The following VPS13B variants were observed in gnomAD, a reference collection of about 807,000 sequenced individuals.
The protein encoded by VPS13B is vacuolar protein sorting 13 homolog B, also known as intermembrane lipid transfer protein VPS13B.
A neutral mutation model predicts 426.4 loss-of-function variants in VPS13B; 285 were observed. The ratio of observed to expected loss-of-function variants is 0.67; its 90% CI spans 0.61 to 0.74. VPS13B has a LOEUF of 0.74. VPS13B is among the 30% of genes least tolerant of loss of function. The probability of loss-of-function intolerance (pLI) is 0.00; values close to 1 mark genes in which losing one functional copy is unlikely to be tolerated. For missense variants in VPS13B, 4,537 were observed against 4,782.6 expected (o/e 0.95, Z 1.51); for synonymous variants, 1,676 against 1,676.4 (o/e 1.00, Z 0.01).
chr8:99,785,622 ATGTTAGAAGTATT>A lies in VPS13B; in HGVS notation c.7941+1148_7941+1160del, dbSNP rs796201048. Among the ~76,000 whole-genome samples, 38 of 152,236 alleles carry A rather than the reference ATGTTAGAAGTATT, an allele frequency of 2.5e-4. 1 individual carries two copies. Among genetic ancestry groups the A allele is most frequent in the Middle Eastern group, 3.4e-3 (1 of 294 alleles). Reference sequence around the variant, plus strand: ...CTAATTTTCCTCTTTAGAAATGTCCATGTTAGAAGTATTTAAGTTGTTTTCCTCGTGTAACATA... The same window carrying A: ...CTAATTTTCCTCTTTAGAAATGTCCATAAGTTGTTTTCCTCGTGTAACATA... On this transcript the variant is annotated intron_variant, in intron 43 of 61. Coordinates refer to ENST00000357162, the MANE Select transcript of VPS13B (RefSeq NM_152564.5).
chr8:99,140,086 G>C (rs904347908), intron 12 of VPS13B, among the ~76,000 whole-genome samples: 2 of 152,102 alleles, frequency 1.3e-5, no homozygotes, highest in African/African-American at 2.4e-5. Flanking sequence ...AAGAAACTAG[G>C]CTGAGCGTGG....
At chr8:99,497,103 TAATATAAAAATATATTTATATATTTCA>T (rs1366103437) in intron 25 of VPS13B, among the ~76,000 whole-genome samples, 1 of 143,286 alleles carries the variant, frequency 7.0e-6, no homozygotes, top group East Asian at 2.0e-4. Flanking sequence ...TATATTTATG[TAATATAAAAATATATTTATATATTTCA>T]TATATAAATA....
At chr8:99,267,690 GCACTCC>G in intron 17 of VPS13B, among the ~76,000 whole-genome samples, 1 of 151,154 alleles carries the variant, frequency 6.6e-6, no homozygotes, top group South Asian at 2.1e-4. Flanking sequence ...TCTTGCCACT[GCACTCC>G]AGCCTGGCGA....
chr8:99,133,155 G>A (rs766627784), intron 8 of VPS13B, among the ~76,000 whole-genome samples: 1 of 152,158 alleles, frequency 6.6e-6, no homozygotes, highest in Non-Finnish European at 1.5e-5. Context: ...AGCCACTTTC[G>A]TTAATTATCT....
intron 43 of VPS13B, among the ~76,000 whole-genome samples, chr8:99,800,902 A>C (rs191388361): frequency 9.8e-5 from 15 of 152,328 alleles, no homozygotes; most frequent in Non-Finnish European, 1.3e-4. Context: ...TGTTTGCTAG[A>C]AACATGTGAA....
chr8:99,870,022 T>C (rs933899732), intron 59 of VPS13B, among the ~76,000 whole-genome samples: 5 of 152,252 alleles, frequency 3.3e-5, no homozygotes, highest in Admixed American at 6.5e-5. Flanking sequence ...TAAATGTATA[T>C]GGATTCGTGT....
intron 2 of VPS13B, among the ~76,000 whole-genome samples, chr8:99,028,206 C>T (rs971690280): frequency 2.0e-5 from 3 of 151,876 alleles, no homozygotes; most frequent in African/African-American, 7.2e-5. Flanking sequence ...TCATCATGAC[C>T]CATCCCCAAT....
intron 19 of VPS13B, among the ~76,000 whole-genome samples, chr8:99,313,285 G>C (rs968526148): frequency 6.6e-6 from 1 of 152,106 alleles, no homozygotes; most frequent in Non-Finnish European, 1.5e-5. Context: ...TGTTTTTTCT[G>C]CATCTTTGTG....
At chr8:99,061,296 C>CT (rs36037937) in intron 3 of VPS13B, among the ~76,000 whole-genome samples, 74,761 of 112,968 alleles carry the variant, frequency 0.66, 25,638 homozygotes, top group South Asian at 0.81. Context: ...TGCTAATTTT[C>CT]TTTTTTTTTT....
intron 34 of VPS13B, among the ~76,000 whole-genome samples, chr8:99,655,218 A>T (rs1435666942): frequency 6.6e-6 from 1 of 152,198 alleles, no homozygotes; most frequent in Non-Finnish European, 1.5e-5. Context: ...CACTGAATAC[A>T]TAACGAAGTC....
chr8:99,818,034 A>G (rs1156870154), intron 45 of VPS13B, among the ~76,000 whole-genome samples: 1 of 152,172 alleles, frequency 6.6e-6, no homozygotes, highest in African/African-American at 2.4e-5. Context: ...GACGCAAGTG[A>G]TATCTTGAAA....
At chr8:99,562,986 C>A (rs926665394) in intron 31 of VPS13B, among the ~76,000 whole-genome samples, 7 of 152,092 alleles carry the variant, frequency 4.6e-5, no homozygotes, top group Non-Finnish European at 1.5e-5. Context: ...GAGACCTTGT[C>A]TCAACAACAA....
chr8:99,784,333 G>C lies in VPS13B; in HGVS notation c.7798G>C (p.Glu2600Gln). 1.2e-6 allele frequency: 2 copies of C among 1,613,680 alleles called. No individual in the cohort carries two copies. Among genetic ancestry groups the C allele is most frequent in the East Asian group, 4.5e-5 (2 of 44,872 alleles). The change falls in exon 43 of 62, where the codon GAG (glutamate) becomes CAG (glutamine). Residue 2600 changes from glutamate to glutamine, a missense_variant. Physicochemically the swap from Glu to Gln is conservative, Grantham distance 29. Coordinates refer to ENST00000357162, the MANE Select transcript of VPS13B (RefSeq NM_152564.5). The stretch of plus-strand genomic sequence containing the variant: ...CTTTCAGAACAAATGCCCTGAGGTA[G>C]AGGAGTTGGTCTTCAGCCATTTTGT... ...AWQQNKCPEV[E>Q]ELVFSHFVIC...
At chr8:99,748,889 A>G (rs766689244) in intron 39 of VPS13B, among the ~76,000 whole-genome samples, 31 of 152,054 alleles carry the variant, frequency 2.0e-4, no homozygotes, top group Admixed American at 5.3e-4. Flanking sequence ...AATTTCTGGC[A>G]CACAGAACTT....
chr8:99,464,646 C>T (rs1463186704), intron 23 of VPS13B, among the ~76,000 whole-genome samples: 2 of 152,106 alleles, frequency 1.3e-5, no homozygotes, highest in African/African-American at 4.8e-5. Context: ...AAGAAATCCC[C>T]TGTAATTTTC....
intron 33 of VPS13B, among the ~76,000 whole-genome samples, chr8:99,630,346 TTG>T (rs953676218): frequency 1.3e-5 from 2 of 152,160 alleles, no homozygotes; most frequent in African/African-American, 4.8e-5. Flanking sequence ...TTTTCATCTT[TTG>T]TGTCTTTTTT....
intron 16 of VPS13B, among the ~76,000 whole-genome samples, chr8:99,187,320 A>G (rs57423465): frequency 0.31 from 47,572 of 152,056 alleles, 9,066 homozygotes; most frequent in South Asian, 0.56. Flanking sequence ...AAGGAAAATG[A>G]GAAAGAAAAG....
At chr8:99,111,657 A>G (rs1426797492) in intron 6 of VPS13B, among the ~76,000 whole-genome samples, 1 of 152,066 alleles carries the variant, frequency 6.6e-6, no homozygotes, top group Non-Finnish European at 1.5e-5. Flanking sequence ...TCTGCTATCT[A>G]TACTTTTTCT....
intron 21 of VPS13B, among the ~76,000 whole-genome samples, chr8:99,409,530 G>T (rs1346726981): frequency 1.3e-5 from 2 of 152,050 alleles, no homozygotes; most frequent in East Asian, 1.9e-4. Flanking sequence ...TGTATACTTA[G>T]TGGATTTTTT....
Sources: allele counts gnomAD v4.1 joint callset (sites outside exome capture counted in the v4.1 genomes callset), GRCh38; gene constraint gnomAD v4.1.1; transcripts MANE v1.5; gene names NCBI Gene and HGNC (gene_info 2026-07-23, HGNC 2026-07-21).